The following TAFA1 variants were observed in gnomAD, a reference collection of about 807,000 sequenced individuals.
TAFA1 encodes chemokine-like protein TAFA-1.
TAFA1 carries 4 observed loss-of-function variants against 18.5 expected under a neutral mutation model. The observed-to-expected ratio is 0.22, with a 90% CI of 0.11 to 0.49. The LOEUF (loss-of-function observed/expected upper bound fraction) is 0.49. Among genes scored for constraint, TAFA1 ranks in the 20% least tolerant of loss-of-function variants. The pLI is 0.98. For missense variants in TAFA1, 147 were observed against 169.0 expected, an observed-to-expected ratio of 0.87 and a Z score of 0.72; for synonymous variants, 56 against 55.2, an observed-to-expected ratio of 1.01 and a Z score of -0.06.
At chr3:68,326,716 A>T (rs1559618483) in intron 2 of TAFA1, among the ~76,000 whole-genome samples, 2 of 152,240 alleles carry the variant, frequency 1.3e-5, no homozygotes, top group Non-Finnish European at 2.9e-5. Context: ...AGCCCTTATT[A>T]TCAGGTAGAC....
At chr3:68,198,692 A>T (rs1235446611) in intron 2 of TAFA1, among the ~76,000 whole-genome samples, 3 of 151,316 alleles carry the variant, frequency 2.0e-5, no homozygotes, top group South Asian at 2.1e-4. Context: ...TATTTTGTTA[A>T]GGTCTTTGGT....
intron 3 of TAFA1, among the ~76,000 whole-genome samples, chr3:68,448,170 T>A (rs2071503976): frequency 6.6e-6 from 1 of 152,170 alleles, no homozygotes; most frequent in Non-Finnish European, 1.5e-5. Flanking sequence ...TCTCAGGGCT[T>A]CTTAAACTGT....
At chr3:68,185,233 A>G (rs2066255197) in intron 2 of TAFA1, among the ~76,000 whole-genome samples, 1 of 152,124 alleles carries the variant, frequency 6.6e-6, no homozygotes, top group African/African-American at 2.4e-5. Flanking sequence ...CAGTAAAGTG[A>G]GGGTAAGAAG....
At chr3:68,185,906 A>AAAAT (rs10580284) in intron 2 of TAFA1, among the ~76,000 whole-genome samples, 2,115 of 149,900 alleles carry the variant, frequency 0.014, 24 homozygotes, top group South Asian at 0.034. Flanking sequence ...TGTCTCAAAT[A>AAAAT]AAATAAATAA....
In TAFA1 at chr3:68,456,466, G is replaced by A. The variant is rs2071668545; in HGVS notation, c.259+39046G>A. Among the ~76,000 whole-genome samples, 9 of 152,210 alleles carry A rather than the reference G, an allele frequency of 5.9e-5. No homozygotes were observed. The South Asian group carries it at 1.9e-3, about 32-fold the overall frequency. ...AACAGCATCTGAGAATTGGTCTGCG[G>A]CCTCTTGGTTAGCAGAAGTTGCTTC... On this transcript the variant is annotated intron_variant, in intron 3 of 4. Coordinates refer to ENST00000478136, the MANE Select transcript of TAFA1 (RefSeq NM_213609.4).
intron 2 of TAFA1, among the ~76,000 whole-genome samples, chr3:68,082,303 G>T (rs927431451): frequency 8.8e-4 from 134 of 152,312 alleles, no homozygotes; most frequent in African/African-American, 3.1e-3. Flanking sequence ...GCTGTAGACC[G>T]GAGCTGTTCC....
At chr3:68,312,330 G>A (rs531837760) in intron 2 of TAFA1, among the ~76,000 whole-genome samples, 4 of 152,208 alleles carry the variant, frequency 2.6e-5, no homozygotes, top group Admixed American at 1.3e-4. Context: ...CCAGAAAATG[G>A]GATTTTCTTT....
At chr3:68,513,303 C>T (rs138410003) in intron 3 of TAFA1, among the ~76,000 whole-genome samples, 3 of 152,172 alleles carry the variant, frequency 2.0e-5, no homozygotes, top group Non-Finnish European at 4.4e-5. Flanking sequence ...TGTACCAGAT[C>T]GATCACCACT....
At chr3:68,214,668 A>C (rs1319575048) in intron 2 of TAFA1, among the ~76,000 whole-genome samples, 3 of 152,064 alleles carry the variant, frequency 2.0e-5, no homozygotes, top group Non-Finnish European at 4.4e-5. Context: ...GAGGTTAAGT[A>C]GGATATTATG....
intron 2 of TAFA1, among the ~76,000 whole-genome samples, chr3:68,070,055 C>T (rs1207858846): frequency 6.6e-6 from 1 of 151,568 alleles, no homozygotes; most frequent in Non-Finnish European, 1.5e-5. Context: ...GGATGATTGC[C>T]ATCTTCTCAC....
intron 2 of TAFA1, among the ~76,000 whole-genome samples, chr3:68,072,418 A>C (rs553611037): frequency 6.6e-6 from 1 of 152,308 alleles, no homozygotes; most frequent in South Asian, 2.1e-4. Context: ...CAGGAGTTAC[A>C]GAGGGTGGTG....
intron 2 of TAFA1, among the ~76,000 whole-genome samples, chr3:68,393,414 G>A (rs776724788): frequency 2.0e-5 from 3 of 148,602 alleles, no homozygotes; most frequent in African/African-American, 7.4e-5. Flanking sequence ...TGGATTCATA[G>A]CCAAATTCTA....
At chr3:68,326,876 C>T (rs1024746672) in intron 2 of TAFA1, among the ~76,000 whole-genome samples, 4 of 152,160 alleles carry the variant, frequency 2.6e-5, no homozygotes, top group African/African-American at 7.2e-5. Context: ...GTTTGGACAT[C>T]TTTAAATAGA....
intron 3 of TAFA1, among the ~76,000 whole-genome samples, chr3:68,460,644 G>C (rs962455677): frequency 2.0e-5 from 3 of 152,184 alleles, no homozygotes; most frequent in Non-Finnish European, 4.4e-5. Flanking sequence ...CAGAGAAACA[G>C]AGAGTGAATA....
At chr3:68,130,163 A>G (rs2065519922) in intron 2 of TAFA1, among the ~76,000 whole-genome samples, 1 of 152,236 alleles carries the variant, frequency 6.6e-6, no homozygotes. Flanking sequence ...GTATCCGTGA[A>G]GGTAAAGAAT....
At chr3:67,998,828 C>T in the TAFA1 span, among the ~76,000 whole-genome samples, 13 of 152,134 alleles carry the variant, frequency 8.5e-5, no homozygotes, top group Non-Finnish European at 1.9e-4. Context: ...CACCTGTGGG[C>T]TATCAACCCA....
chr3:68,207,719 A>G (rs2066544164), intron 2 of TAFA1, among the ~76,000 whole-genome samples: 1 of 152,000 alleles, frequency 6.6e-6, no homozygotes. Context: ...TTGCACTAGT[A>G]ATAGTAGTTG....
rs987619741 is a variant in TAFA1 at position 68,084,792 on chromosome 3, C to T, written c.118+78048C>T. On this transcript the variant is annotated intron_variant, in intron 2 of 4. Transcript: ENST00000478136. ...CAGCCTGGGAGACAGAGCAAGACTC[C>T]GTCTAAAAAAAAAAAAAAAACCAAA... is the stretch of plus-strand genomic sequence containing the variant. Among the ~76,000 whole-genome samples the T allele has an allele frequency of 8.0e-5, 12 of 149,378 alleles. No individual in the cohort carries two copies. The South Asian group carries it at 1.1e-3, about 13-fold the overall frequency.
At chr3:68,115,503 T>C (rs1015185477) in intron 2 of TAFA1, among the ~76,000 whole-genome samples, 58 of 152,204 alleles carry the variant, frequency 3.8e-4, no homozygotes, top group East Asian at 1.9e-4. Flanking sequence ...GACCAAATAA[T>C]GAGCCCTAGG....
Sources: gnomAD v4.1 joint callset for allele counts (sites outside exome capture counted in the v4.1 genomes callset) on GRCh38, gnomAD v4.1.1 for gene constraint, MANE v1.5 for transcripts, NCBI Gene and HGNC (gene_info 2026-07-23, HGNC 2026-07-21) for gene names.